TLN2: variants seen among roughly 807,000 people sequenced by gnomAD.
TLN2 encodes the protein talin-2.
TLN2 carries 118 observed loss-of-function variants against 294.7 expected under a neutral mutation model. The observed-to-expected ratio is 0.40, with a 90% CI of 0.34 to 0.47. TLN2 has a LOEUF of 0.47. Ranked by LOEUF, TLN2 falls within the 20% of genes least tolerant of loss-of-function variation. TLN2 has a pLI of 0.84. For synonymous variants in TLN2, 1,431 were observed against 1,304.5 expected (o/e 1.10, Z -2.09); for missense variants, 3,083 against 3,282.2 (o/e 0.94, Z 1.48).
intron 3 of TLN2, chr15:62,638,386 A>G (rs1213759631): frequency 8.1e-6 from 3 of 369,090 alleles, no homozygotes; most frequent in Non-Finnish European, 1.6e-5. Flanking sequence ...GCAAAGTTTA[A>G]CTGGGGACAA....
intron 48 of TLN2, 62 bp downstream of exon 48, chr15:62,797,464 C>G (rs2065580039): frequency 2.0e-6 from 3 of 1,500,386 alleles, no homozygotes; most frequent in African/African-American, 1.4e-5. Context: ...CACATCGGGC[C>G]TCAGAAGAGG....
chr15:62,668,485 A>G lies in TLN2; in HGVS notation c.789-5342A>G, dbSNP rs532132019. Among the ~76,000 whole-genome samples the G allele has an allele frequency of 1.7e-4, 26 of 152,316 alleles. No homozygotes were observed. In the South Asian group the frequency reaches 1.9e-3, roughly 11 times the overall value. The stretch of plus-strand genomic sequence containing the variant: ...ATTCCACTGGCTTCTGGGCATTTCT[A>G]TAAAACTCAGTGGCCACCACCTGGT... On this transcript the variant is annotated intron_variant, in intron 9 of 58. Coordinates refer to ENST00000636159, the MANE Select transcript of TLN2 (RefSeq NM_015059.3).
chr15:62,694,413 T>A (rs2058174124), intron 14 of TLN2, 21 bp downstream of exon 14: 1 of 1,606,788 alleles, frequency 6.2e-7, no homozygotes, highest in Non-Finnish European at 8.5e-7. Context: ...TGAAGAGTAC[T>A]AGAGGACCAC....
intron 1 of TLN2, among the ~76,000 whole-genome samples, chr15:62,487,835 G>A (rs1190086788): frequency 1.3e-5 from 2 of 151,986 alleles, no homozygotes; most frequent in African/African-American, 4.8e-5. Flanking sequence ...CCTGGGAGGC[G>A]GAGGTTGCAG....
At chr15:62,561,463 G>A (rs1288278100) in intron 1 of TLN2, 2 of 152,236 alleles carry the variant, frequency 1.3e-5, no homozygotes, top group South Asian at 2.1e-4. Context: ...TAGGGTCTCT[G>A]CCTTGGGGCC....
chr15:62,596,392 A>G (rs1047403374), intron 2 of TLN2, among the ~76,000 whole-genome samples: 2 of 152,244 alleles, frequency 1.3e-5, no homozygotes, highest in Non-Finnish European at 2.9e-5. Context: ...ACATATTTAA[A>G]AATGACACAT....
intron 1 of TLN2, among the ~76,000 whole-genome samples, chr15:62,589,151 A>C (rs931806492): frequency 6.6e-6 from 1 of 152,072 alleles, no homozygotes; most frequent in Non-Finnish European, 1.5e-5. Flanking sequence ...TGATTTCTAC[A>C]ATTGATTATA....
At chr15:62,562,815 G>C (rs1033406200) in intron 1 of TLN2, among the ~76,000 whole-genome samples, 1 of 151,626 alleles carries the variant, frequency 6.6e-6, no homozygotes, top group Non-Finnish European at 1.5e-5. Context: ...CCATTCTTGA[G>C]TTGCTTCATT....
intron 46 of TLN2, among the ~76,000 whole-genome samples, chr15:62,795,011 T>C (rs1022847793): frequency 1.3e-5 from 2 of 152,122 alleles, no homozygotes; most frequent in Admixed American, 6.6e-5. Context: ...GCGATTTACA[T>C]TGGGTGCATT....
intron 1 of TLN2, among the ~76,000 whole-genome samples, chr15:62,423,700 C>T (rs1283963618): frequency 6.6e-6 from 1 of 152,034 alleles, no homozygotes; most frequent in Non-Finnish European, 1.5e-5. Flanking sequence ...TGTGCCTCAG[C>T]CTCCCAAGTA....
At chr15:62,713,578 C>T (rs948731108) in intron 22 of TLN2, among the ~76,000 whole-genome samples, 1 of 152,004 alleles carries the variant, frequency 6.6e-6, no homozygotes, top group African/African-American at 2.4e-5. Context: ...ACTAGGGAGG[C>T]TGAGGCAGGA....
intron 9 of TLN2, among the ~76,000 whole-genome samples, chr15:62,664,015 A>T (rs2054227015): frequency 6.6e-6 from 1 of 152,030 alleles, no homozygotes; most frequent in Non-Finnish European, 1.5e-5. Context: ...CAACTACCAC[A>T]ATTTTTTAGA....
At chr15:62,528,369 T>G (rs957105901) in intron 1 of TLN2, among the ~76,000 whole-genome samples, 4 of 149,600 alleles carry the variant, frequency 2.7e-5, no homozygotes, top group African/African-American at 9.9e-5. Flanking sequence ...TTAAGTGAAT[T>G]TAAGCATACA....
intron 47 of TLN2, 69 bp from the exon 48 acceptor site, chr15:62,797,150 T>C: frequency 1.9e-6 from 3 of 1,564,770 alleles, no homozygotes; most frequent in Non-Finnish European, 2.6e-6. Flanking sequence ...GGGATTTCTT[T>C]TCTTCTTGAA....
At chr15:62,641,520 G>T (rs2051100869) in intron 3 of TLN2, among the ~76,000 whole-genome samples, 1 of 152,054 alleles carries the variant, frequency 6.6e-6, no homozygotes, top group South Asian at 2.1e-4. Context: ...GGAGGCTGAG[G>T]CAGGAGAATC....
At chr15:62,621,056 G>C (rs1394625154) in intron 3 of TLN2, among the ~76,000 whole-genome samples, 1 of 150,072 alleles carries the variant, frequency 6.7e-6, no homozygotes, top group Non-Finnish European at 1.5e-5. Flanking sequence ...AGCCAGGATG[G>C]TCTCGATCTC....
chr15:62,721,273 C>T (rs1567453515), intron 25 of TLN2, among the ~76,000 whole-genome samples: 1 of 152,168 alleles, frequency 6.6e-6, no homozygotes. Flanking sequence ...AAATTTACAA[C>T]TTAGCAGTAT....
At position 62,771,062 on chromosome 15, in the gene TLN2, C is replaced by A. The variant is rs778953928; in HGVS notation, c.5295C>A (p.Asp1765Glu). 1.2e-6 allele frequency: 2 copies of A among 1,613,590 alleles called. No homozygotes were observed. Among genetic ancestry groups the A allele is most frequent in the Non-Finnish European group, 1.7e-6 (2 of 1,179,962 alleles). ...LDHQQQMTVLDQTKTLAESAL... is the reference protein window; with the variant it reads ...LDHQQQMTVLEQTKTLAESAL... ...ATCAGCAGCAGATGACGGTGCTGGA[C>A]CAGACCAAGACTCTCGCAGAGTCTG... The change falls in exon 42 of 59, where the codon GAC becomes GAA. Residue 1765 changes from aspartate (D) to glutamate (E), a missense_variant. Coordinates refer to ENST00000636159, the MANE Select transcript of TLN2 (RefSeq NM_015059.3).
intron 1 of TLN2, among the ~76,000 whole-genome samples, chr15:62,481,767 G>A (rs1475403886): frequency 6.7e-6 from 1 of 149,886 alleles, no homozygotes; most frequent in African/African-American, 2.5e-5. Flanking sequence ...CATATTTAAA[G>A]ACTACATATT....
Sources: allele counts gnomAD v4.1 joint callset (sites outside exome capture counted in the v4.1 genomes callset), GRCh38; gene constraint gnomAD v4.1.1; transcripts MANE v1.5; gene names NCBI Gene and HGNC (gene_info 2026-07-23, HGNC 2026-07-21).